The following TMEM114 variants were observed in gnomAD, a reference collection of about 807,000 sequenced individuals.
TMEM114 encodes claudin-26.
In TMEM114, 6 loss-of-function variants were observed where a neutral mutation model predicts 6.2. The ratio of observed to expected loss-of-function variants is 0.97; its 90% CI spans 0.53 to 1.91. The LOEUF (loss-of-function observed/expected upper bound fraction) is 1.91. Among genes scored for constraint, TMEM114 ranks in the 40% most tolerant of loss-of-function variants. The pLI is 0.01. For missense variants in TMEM114, 218 were observed against 158.3 expected (o/e 1.38, Z -2.02); for synonymous variants, 104 against 73.0 (o/e 1.42, Z -2.16).
intron 2 of TMEM114, among the ~76,000 whole-genome samples, chr16:8,574,551 TTC>T (rs1435365503): frequency 1.5e-5 from 2 of 134,772 alleles, no homozygotes; most frequent in African/African-American, 5.9e-5. Context: ...TGGTCTTTCC[TTC>T]TTTCTTTCTT....
Position 8,576,766 on chromosome 16 carries a change from GGAAAT to G in TMEM114, c.302-4547_302-4543del, listed in dbSNP as rs1243000630. Reference sequence around the variant, plus strand: ...AGGAAGGAAGGAAGGAAGGAAGGAAGGAAATTGAGCATTTACTGAGCATCTAATAG... The same window carrying G: ...AGGAAGGAAGGAAGGAAGGAAGGAAGTGAGCATTTACTGAGCATCTAATAG... On this transcript the variant is annotated intron_variant, in intron 2 of 3. Coordinates refer to ENST00000620492, the MANE Select transcript of TMEM114 (RefSeq NM_001146336.2). Among the ~76,000 whole-genome samples, 416 of 130,730 alleles carry G rather than the reference GGAAAT, an allele frequency of 3.2e-3. 4 individuals are homozygous for G. The highest frequency in any genetic ancestry group is 0.025 in the East Asian group (110 of 4,364). The allele number at this position is 130,730 out of a possible 152,430, so 85.8% of individuals were successfully genotyped here.
At chr16:8,532,216 G>C in the TMEM114 span, among the ~76,000 whole-genome samples, 3 of 152,178 alleles carry the variant, frequency 2.0e-5, no homozygotes, top group Non-Finnish European at 2.9e-5. Flanking sequence ...TCAGAACCCA[G>C]ATCCTAGTAT....
chr16:8,576,495 AGGGG>A (rs1266938408), intron 2 of TMEM114, among the ~76,000 whole-genome samples: 5 of 152,220 alleles, frequency 3.3e-5, no homozygotes, highest in African/African-American at 1.2e-4. Flanking sequence ...GGCAGGGGCC[AGGGG>A]CTCTCCCAGG....
downstream of TMEM114, among the ~76,000 whole-genome samples, chr16:8,567,045 C>T (rs1271628352): frequency 1.3e-5 from 2 of 148,908 alleles, no homozygotes; most frequent in African/African-American, 2.5e-5. Context: ...GGATTACAGG[C>T]GCGTGTTACC....
downstream of TMEM114, among the ~76,000 whole-genome samples, chr16:8,534,643 G>T (rs1291404248): frequency 6.6e-6 from 1 of 152,212 alleles, no homozygotes; most frequent in Non-Finnish European, 1.5e-5. Flanking sequence ...AGGCAGAGGT[G>T]CTGGTGGATA....
At chr16:8,561,227 C>T (rs1329617729) in intron 2 of TMEM114, among the ~76,000 whole-genome samples, 1 of 152,242 alleles carries the variant, frequency 6.6e-6, no homozygotes, top group African/African-American at 2.4e-5. Flanking sequence ...ATTCCCCTTC[C>T]CTTGCCTATA....
intron 2 of TMEM114, among the ~76,000 whole-genome samples, chr16:8,543,888 AC>A (rs1328793517): frequency 1.3e-5 from 2 of 152,352 alleles, no homozygotes; most frequent in Admixed American, 1.3e-4. Context: ...AAAGTCCATA[AC>A]ATAGGAACCT....
chr16:8,548,784 A>G lies in TMEM114; in HGVS notation n.213-10958T>C, dbSNP rs188742752. Reference sequence around the variant, plus strand: ...CAGAAATGACCATGTGAAATATTTCAATTTTACGTAGTCAGTGGAGGAGCT... The same window carrying G: ...CAGAAATGACCATGTGAAATATTTCGATTTTACGTAGTCAGTGGAGGAGCT... On this transcript the variant is annotated intron_variant and non_coding_transcript_variant, in intron 2 of 2. Coordinates refer to the TMEM114 transcript ENST00000623677. 5.9e-5 allele frequency among the ~76,000 whole-genome samples: 9 copies of G among 151,718 alleles called. No homozygotes were observed. The East Asian group carries it at 1.5e-3, about 26-fold the overall frequency.
chr16:8,537,116 A>C (rs929389301), downstream of TMEM114, among the ~76,000 whole-genome samples: 10 of 151,420 alleles, frequency 6.6e-5, no homozygotes, highest in South Asian at 2.1e-3. Context: ...TGAGGCTGGA[A>C]GATCGCATGA....
At chr16:8,569,360 C>A, downstream of TMEM114, 1 of 712,876 alleles carries the variant, frequency 1.4e-6, no homozygotes, top group Non-Finnish European at 1.7e-6. Context: ...CCAGAGAGAG[C>A]TGAACGCATT....
At chr16:8,534,777 G>C (rs907528334), downstream of TMEM114, among the ~76,000 whole-genome samples, 1 of 152,198 alleles carries the variant, frequency 6.6e-6, no homozygotes, top group Non-Finnish European at 1.5e-5. Context: ...ACTATCATCA[G>C]AGTTATCATC....
the TMEM114 span, among the ~76,000 whole-genome samples, chr16:8,527,160 T>A: frequency 2.0e-5 from 3 of 152,186 alleles, no homozygotes. Flanking sequence ...TGAGCCAAGA[T>A]CATGCCACTG....
chr16:8,569,698 C>T lies in TMEM114; in HGVS notation c.*75G>A. ...GAGTGGCCTTTGAGGAAGAAGAGGCCGCAGCCGATGGAGATCGGTCGGTGA... is the reference window on the plus strand; with the variant it reads ...GAGTGGCCTTTGAGGAAGAAGAGGCTGCAGCCGATGGAGATCGGTCGGTGA... On this transcript the variant is annotated 3_prime_UTR_variant, in exon 4 of 4. Transcript: ENST00000620492. 5 of 1,466,630 alleles carry T rather than the reference C, an allele frequency of 3.4e-6. No homozygotes were observed. The highest frequency in any genetic ancestry group is 2.5e-5 in the East Asian group (1 of 40,012). The allele number at this position is 1,466,630 out of a possible 1,614,324, so 90.9% of individuals were successfully genotyped here.
At chr16:8,529,475 T>C in the TMEM114 span, among the ~76,000 whole-genome samples, 1 of 152,118 alleles carries the variant, frequency 6.6e-6, no homozygotes, top group Non-Finnish European at 1.5e-5. Context: ...CATGGAGAAG[T>C]GGACAGGGAG....
intron 2 of TMEM114, among the ~76,000 whole-genome samples, chr16:8,584,702 A>G (rs1234663743): frequency 6.6e-6 from 1 of 152,102 alleles, no homozygotes; most frequent in Non-Finnish European, 1.5e-5. Flanking sequence ...CAGGCAGATC[A>G]CCTGAGGTCA....
At chr16:8,554,629 A>G (rs1009800160) in intron 2 of TMEM114, among the ~76,000 whole-genome samples, 11 of 152,034 alleles carry the variant, frequency 7.2e-5, no homozygotes, top group South Asian at 2.1e-4. Flanking sequence ...CTTCCATAAT[A>G]TTTGCTGAAT....
At chr16:8,572,382 C>G in intron 2 of TMEM114, 158 bp from the exon 3 acceptor site, 1 of 783,142 alleles carries the variant, frequency 1.3e-6, no homozygotes, top group Non-Finnish European at 2.1e-6. Context: ...ATGATGATGA[C>G]CATGACAACA....
intron 2 of TMEM114, among the ~76,000 whole-genome samples, chr16:8,586,403 G>A (rs1032677413): frequency 6.6e-6 from 1 of 152,178 alleles, no homozygotes; most frequent in African/African-American, 2.4e-5. Context: ...GCTCAGAGAG[G>A]TTAAGACACC....
At chr16:8,555,856 T>A (rs1900992940) in intron 2 of TMEM114, among the ~76,000 whole-genome samples, 1 of 152,112 alleles carries the variant, frequency 6.6e-6, no homozygotes, top group Non-Finnish European at 1.5e-5. Flanking sequence ...ACAAAGAATA[T>A]CTGGCCTCAA....
Sources: allele counts gnomAD v4.1 joint callset (sites outside exome capture counted in the v4.1 genomes callset), GRCh38; gene constraint gnomAD v4.1.1; transcripts MANE v1.5; gene names NCBI Gene and HGNC (gene_info 2026-07-23, HGNC 2026-07-21).